The following SPAG16 variants were observed in gnomAD, a reference collection of about 807,000 sequenced individuals.
SPAG16 encodes sperm associated antigen 16.
In SPAG16, 86 loss-of-function variants were observed where a neutral mutation model predicts 80.4. That is an observed-to-expected ratio of 1.07 (90% CI 0.90 to 1.28). SPAG16 has a LOEUF of 1.28. Among genes scored for constraint, SPAG16 ranks in the 50% most tolerant of loss-of-function variants. SPAG16 has a pLI of 0.00. For missense variants in SPAG16, 870 were observed against 765.3 expected, an observed-to-expected ratio of 1.14 and a Z score of -1.61; for synonymous variants, 294 against 265.9, an observed-to-expected ratio of 1.11 and a Z score of -1.03.
chr2:213,932,169 TATATATATATATATATATA>T (rs372396620), intron 12 of SPAG16, among the ~76,000 whole-genome samples: 2 of 129,174 alleles, frequency 1.5e-5, no homozygotes, highest in South Asian at 2.2e-4. Context: ...TATATATATA[TATATATATATATATATATA>T]TATATATATA....
chr2:213,968,695 A>T (rs1032149578), intron 12 of SPAG16, among the ~76,000 whole-genome samples: 1 of 152,224 alleles, frequency 6.6e-6, no homozygotes, highest in Non-Finnish European at 1.5e-5. Flanking sequence ...TTCTGGCTCT[A>T]TCAGGTGTTA....
intron 10 of SPAG16, among the ~76,000 whole-genome samples, chr2:213,557,262 T>A (rs1484412344): frequency 6.6e-6 from 1 of 152,164 alleles, no homozygotes; most frequent in Non-Finnish European, 1.5e-5. Flanking sequence ...CTTTCCTTGC[T>A]TAGTCTTTGT....
intron 10 of SPAG16, among the ~76,000 whole-genome samples, chr2:213,696,161 T>TTTTG (rs1004678231): frequency 1.3e-5 from 2 of 152,156 alleles, no homozygotes; most frequent in African/African-American, 2.4e-5. Context: ...TCCTAGTGTT[T>TTTTG]TTTGTTTGTT....
chr2:214,052,305 A>G (rs973186069), intron 13 of SPAG16, among the ~76,000 whole-genome samples: 5 of 152,200 alleles, frequency 3.3e-5, no homozygotes, highest in Non-Finnish European at 7.3e-5. Flanking sequence ...CTATCAGGCG[A>G]CCTTCTTTGT....
chr2:214,353,553 A>G (rs1698566566), intron 15 of SPAG16, among the ~76,000 whole-genome samples: 1 of 152,172 alleles, frequency 6.6e-6, no homozygotes, highest in Admixed American at 6.5e-5. Flanking sequence ...TTAACAGATC[A>G]CATACTGCCT....
intron 9 of SPAG16, among the ~76,000 whole-genome samples, chr2:213,454,839 T>G (rs2071904729): frequency 6.6e-6 from 1 of 152,210 alleles, no homozygotes; most frequent in Admixed American, 6.5e-5. Flanking sequence ...GTTATTGTCT[T>G]ATTAGAATGC....
intron 14 of SPAG16, among the ~76,000 whole-genome samples, chr2:214,143,687 A>G (rs1000316342): frequency 2.0e-5 from 3 of 152,172 alleles, no homozygotes; most frequent in African/African-American, 7.2e-5. Context: ...TATTCATTCA[A>G]TTAGTGATTT....
intron 13 of SPAG16, among the ~76,000 whole-genome samples, chr2:214,034,209 G>A (rs1048222795): frequency 2.6e-5 from 4 of 152,226 alleles, no homozygotes; most frequent in South Asian, 2.1e-4. Flanking sequence ...GGAGGCACAT[G>A]CTGTTGATCA....
At chr2:214,177,276 A>T (rs938330337) in intron 15 of SPAG16, among the ~76,000 whole-genome samples, 1 of 151,178 alleles carries the variant, frequency 6.6e-6, no homozygotes, top group Non-Finnish European at 1.5e-5. Flanking sequence ...TTTTCTTAAC[A>T]TATGGACCAT....
chr2:213,913,403 C>A (rs556321719), intron 11 of SPAG16, among the ~76,000 whole-genome samples: 1 of 151,986 alleles, frequency 6.6e-6, no homozygotes, highest in African/African-American at 2.4e-5. Flanking sequence ...TTCTCTAGGG[C>A]ATCAGTTCTC....
chr2:213,608,787 G>A (rs1367845732), intron 10 of SPAG16, among the ~76,000 whole-genome samples: 7 of 152,210 alleles, frequency 4.6e-5, no homozygotes, highest in Admixed American at 3.3e-4. Context: ...CTGCGTTCAC[G>A]CCATTCTCCT....
At chr2:213,407,845 G>GAGAGAGAC (rs1491393175) in intron 9 of SPAG16, among the ~76,000 whole-genome samples, 1 of 130,824 alleles carries the variant, frequency 7.6e-6, no homozygotes. Context: ...AGAGAGACAG[G>GAGAGAGAC]AGAGAGGCAG....
intron 12 of SPAG16, among the ~76,000 whole-genome samples, chr2:213,954,139 A>ATT (rs367719207): frequency 0.013 from 1,788 of 141,412 alleles, 23 homozygotes; most frequent in East Asian, 0.027. Flanking sequence ...AGTCACTCCT[A>ATT]TTTTTTTTTT....
At chr2:213,979,779 C>A (rs977700858) in intron 12 of SPAG16, among the ~76,000 whole-genome samples, 2 of 152,046 alleles carry the variant, frequency 1.3e-5, no homozygotes, top group Non-Finnish European at 2.9e-5. Flanking sequence ...AATCTTATGC[C>A]TTTTCTCTTG....
At chr2:213,392,859 AAC>A (rs1474297542) in intron 9 of SPAG16, among the ~76,000 whole-genome samples, 4 of 152,046 alleles carry the variant, frequency 2.6e-5, no homozygotes, top group Non-Finnish European at 4.4e-5. Flanking sequence ...AAAAAAAAAA[AAC>A]AGTGTTGAAT....
intron 12 of SPAG16, among the ~76,000 whole-genome samples, chr2:213,938,715 A>G (rs1361252706): frequency 6.6e-6 from 1 of 152,026 alleles, no homozygotes; most frequent in Non-Finnish European, 1.5e-5. Flanking sequence ...ATGTCCAAGG[A>G]CATCAAATCA....
chr2:213,310,248 A>C (rs1480272642), intron 4 of SPAG16, 71 bp downstream of exon 4: 1 of 1,068,754 alleles, frequency 9.4e-7, no homozygotes, highest in Non-Finnish European at 1.3e-6. Context: ...TAAGTGTCTT[A>C]GGAGACTTTG....
At chr2:214,336,486 A>C (rs1020176117) in intron 15 of SPAG16, among the ~76,000 whole-genome samples, 1 of 152,184 alleles carries the variant, frequency 6.6e-6, no homozygotes, top group Non-Finnish European at 1.5e-5. Flanking sequence ...GAGATTAGAA[A>C]AATAGGTTGA....
intron 15 of SPAG16, among the ~76,000 whole-genome samples, chr2:214,196,681 G>T (rs1306532704): frequency 1.3e-5 from 2 of 151,948 alleles, no homozygotes; most frequent in Admixed American, 6.6e-5. Context: ...CATTATTTGT[G>T]GTTGAATTTT....
Sources: gnomAD v4.1 joint callset for allele counts (sites outside exome capture counted in the v4.1 genomes callset) on GRCh38, gnomAD v4.1.1 for gene constraint, MANE v1.5 for transcripts, NCBI Gene and HGNC (gene_info 2026-07-23, HGNC 2026-07-21) for gene names.